ADCY8: variants seen among roughly 807,000 people sequenced by gnomAD.
ADCY8 encodes adenylate cyclase type 8.
A neutral mutation model predicts 119.7 loss-of-function variants in ADCY8; 51 were observed. That is an observed-to-expected ratio of 0.43 (90% CI 0.34 to 0.54). The LOEUF (loss-of-function observed/expected upper bound fraction) is 0.54, where lower values mean the gene tolerates loss of function less well. ADCY8 is among the 20% of genes least tolerant of loss of function. The pLI is 0.03. For synonymous variants in ADCY8, 665 were observed against 651.0 expected, an observed-to-expected ratio of 1.02 and a Z score of -0.33; for missense variants, 1,383 against 1,598.8, an observed-to-expected ratio of 0.87 and a Z score of 2.30.
rs1818448340 is a variant in ADCY8 at position 130,873,669 on chromosome 8, G to T, written c.2110-5723C>A. Among the ~76,000 whole-genome samples, 5 of 152,202 alleles carry T rather than the reference G, an allele frequency of 3.3e-5. No individual in the cohort carries two copies. The South Asian group carries it at 1.0e-3, about 32-fold the overall frequency. On this transcript the variant is annotated intron_variant, in intron 8 of 17. Coordinates refer to ENST00000286355, the MANE Select transcript of ADCY8 (RefSeq NM_001115.3). ...TAGGTGAGATTACAGAATCTTCTAG[G>T]TGGAATGAATTGTATTTGTCATCTT... is the stretch of plus-strand genomic sequence containing the variant.
rs1018924737 is a variant in ADCY8 at position 131,026,954 on chromosome 8, C to T, written c.960+12420G>A. 1.2e-4 allele frequency among the ~76,000 whole-genome samples: 18 copies of T among 152,226 alleles called. 2 individuals are homozygous for T. The highest frequency in any genetic ancestry group is 7.9e-4 in the Admixed American group (12 of 15,284). ...GGTGCAGAAAGATTGAGGCTCTTGTCAGTGTTATAAAATGAAAAAATTGCA... is the reference window on the plus strand; with the variant it reads ...GGTGCAGAAAGATTGAGGCTCTTGTTAGTGTTATAAAATGAAAAAATTGCA... On this transcript the variant is annotated intron_variant, in intron 1 of 17. Coordinates refer to ENST00000286355, the MANE Select transcript of ADCY8 (RefSeq NM_001115.3).
Position 130,887,562 on chromosome 8 carries a change from A to G in ADCY8, c.1912-2801T>C, listed in dbSNP as rs554111710. ...TTTCCTCTGTCAATTACATATGACAATTACAAATGCTGTTTGGCCAGCAAC... is the reference window on the plus strand; with the variant it reads ...TTTCCTCTGTCAATTACATATGACAGTTACAAATGCTGTTTGGCCAGCAAC... On this transcript the variant is annotated intron_variant, in intron 7 of 17. Coordinates refer to ENST00000286355, the MANE Select transcript of ADCY8 (RefSeq NM_001115.3). 9.2e-5 allele frequency among the ~76,000 whole-genome samples: 14 copies of G among 152,250 alleles called. No individual in the cohort carries two copies. In the Middle Eastern group the frequency reaches 0.01, roughly 111 times the overall value.
At chr8:131,005,250 A>T (rs1056064686) in intron 1 of ADCY8, among the ~76,000 whole-genome samples, 8 of 152,204 alleles carry the variant, frequency 5.3e-5, no homozygotes, top group African/African-American at 1.9e-4. Context: ...AAACGAGGCC[A>T]TTGGAAGCGC....
At chr8:130,832,226 G>A (rs1422297748) in intron 12 of ADCY8, among the ~76,000 whole-genome samples, 1 of 152,060 alleles carries the variant, frequency 6.6e-6, no homozygotes, top group Non-Finnish European at 1.5e-5. Flanking sequence ...CTCCTGTTTT[G>A]GGCTGGGCAT....
At chr8:130,961,473 A>G (rs1273951078) in intron 2 of ADCY8, among the ~76,000 whole-genome samples, 2 of 148,092 alleles carry the variant, frequency 1.4e-5, no homozygotes, top group Non-Finnish European at 3.0e-5. Flanking sequence ...ATGAGTCTTT[A>G]TGAGTCTTCA....
chr8:131,019,054 G>A (rs1415364232), intron 1 of ADCY8, among the ~76,000 whole-genome samples: 2 of 152,260 alleles, frequency 1.3e-5, no homozygotes, highest in East Asian at 3.9e-4. Context: ...AAATGCCAGG[G>A]ACTCTTGTGA....
intron 12 of ADCY8, among the ~76,000 whole-genome samples, chr8:130,835,574 C>G (rs1816961110): frequency 6.6e-6 from 1 of 152,130 alleles, no homozygotes; most frequent in Non-Finnish European, 1.5e-5. Context: ...TCTAAGGAGT[C>G]TGGGTAAGAT....
chr8:131,040,116 C>A lies in ADCY8; in HGVS notation c.218G>T (p.Gly73Val). The change falls in exon 1 of 18, where the codon GGC (glycine) becomes GTC (valine). Residue 73 changes from glycine (G) to valine (V), a missense_variant. Gly to Val is a moderately radical substitution (Grantham distance 109, BLOSUM62 -3). Around this residue, in one of 2 missense-constraint regions of ADCY8, gnomAD observed 455 missense variants for 435.3 expected, o/e 1.05. Transcript: ENST00000286355. ...GGSGKASDPAGGGPNHHAPQL... is the reference protein window; with the variant it reads ...GGSGKASDPAVGGPNHHAPQL... Reference sequence around the variant, plus strand: ...CGGCGCGTGGTGGTTGGGGCCGCCGCCCGCAGGGTCCGAGGCTTTGCCCGA... The same window carrying A: ...CGGCGCGTGGTGGTTGGGGCCGCCGACCGCAGGGTCCGAGGCTTTGCCCGA... 6.6e-7 allele frequency: 1 copy of A among 1,526,358 alleles called. No homozygotes were observed. The allele number at this position is 1,526,358 out of a possible 1,614,324, so 94.6% of individuals were successfully genotyped here. A position where few individuals can be genotyped will look rare whatever the true frequency, so the allele number is the denominator to read the frequency against.
chr8:131,002,135 G>A (rs1822969569), intron 1 of ADCY8, among the ~76,000 whole-genome samples: 1 of 152,238 alleles, frequency 6.6e-6, no homozygotes, highest in East Asian at 1.9e-4. Context: ...AACTTTTTTG[G>A]CCCCCAAATT....
chr8:130,912,953 CAGG>C (rs1219841944), intron 5 of ADCY8, among the ~76,000 whole-genome samples: 1 of 152,142 alleles, frequency 6.6e-6, no homozygotes, highest in African/African-American at 2.4e-5. Flanking sequence ...AGCTTCTGTG[CAGG>C]AGGTCATTGA....
At chr8:130,993,900 C>T (rs1389617103) in intron 1 of ADCY8, among the ~76,000 whole-genome samples, 1 of 152,188 alleles carries the variant, frequency 6.6e-6, no homozygotes. Context: ...TGTAAAATAT[C>T]ATCTTAGGAT....
chr8:130,905,770 A>G (rs551845677), intron 6 of ADCY8, among the ~76,000 whole-genome samples: 16 of 152,278 alleles, frequency 1.1e-4, no homozygotes, highest in Admixed American at 2.0e-4. Context: ...TGAGGTGGGA[A>G]GATCGCTTGA....
chr8:130,789,433 A>T (rs537358970), intron 15 of ADCY8, among the ~76,000 whole-genome samples: 18 of 152,156 alleles, frequency 1.2e-4, no homozygotes, highest in Non-Finnish European at 2.4e-4. Flanking sequence ...CCAAGTGGAC[A>T]GTATAATTTT....
intron 1 of ADCY8, among the ~76,000 whole-genome samples, chr8:131,012,625 T>G (rs1218326930): frequency 6.6e-6 from 1 of 152,184 alleles, no homozygotes; most frequent in African/African-American, 2.4e-5. Flanking sequence ...CAGACAGTCC[T>G]CAGCTGCCAG....
At chr8:130,928,637 A>G (rs569845192) in intron 5 of ADCY8, among the ~76,000 whole-genome samples, 1 of 152,316 alleles carries the variant, frequency 6.6e-6, no homozygotes, top group African/African-American at 2.4e-5. Flanking sequence ...AGCATGGTGA[A>G]TGATCCCTTT....
intron 2 of ADCY8, among the ~76,000 whole-genome samples, chr8:130,974,532 T>C (rs1447220895): frequency 6.6e-6 from 1 of 152,222 alleles, no homozygotes; most frequent in East Asian, 1.9e-4. Flanking sequence ...CAGACTGTAA[T>C]AACTATAAAG....
At chr8:131,028,969 G>T in intron 1 of ADCY8, among the ~76,000 whole-genome samples, 1 of 152,166 alleles carries the variant, frequency 6.6e-6, no homozygotes, top group East Asian at 1.9e-4. Flanking sequence ...TTTCCAGTGT[G>T]CTTGCACAGC....
chr8:130,920,960 C>T (rs1820283274), intron 5 of ADCY8, among the ~76,000 whole-genome samples: 1 of 152,230 alleles, frequency 6.6e-6, no homozygotes, highest in Non-Finnish European at 1.5e-5. Flanking sequence ...TTAGACTTAA[C>T]TAGCCTCCAC....
At chr8:130,877,400 C>A (rs1818607765) in intron 8 of ADCY8, among the ~76,000 whole-genome samples, 1 of 152,166 alleles carries the variant, frequency 6.6e-6, no homozygotes, top group African/African-American at 2.4e-5. Flanking sequence ...ACCAAGCATA[C>A]TGAATGCTCT....
Sources: gnomAD v4.1 joint callset for allele counts (sites outside exome capture counted in the v4.1 genomes callset) on GRCh38, gnomAD v4.1.1 for gene constraint, gnomAD v4.1.1 regional missense constraint, MANE v1.5 for transcripts, NCBI Gene and HGNC (gene_info 2026-07-23, HGNC 2026-07-21) for gene names.